CTNNA2: variants seen among roughly 807,000 people sequenced by gnomAD.
CTNNA2 encodes catenin alpha-2.
Under a neutral mutation model 101.0 loss-of-function variants are expected in CTNNA2, and 42 were observed. The observed-to-expected ratio is 0.42, with a 90% CI of 0.32 to 0.54. The LOEUF (loss-of-function observed/expected upper bound fraction) is 0.54. Among genes scored for constraint, CTNNA2 ranks in the 20% least tolerant of loss-of-function variants. The pLI is 0.14. For synonymous variants in CTNNA2, 450 were observed against 456.4 expected (o/e 0.99, Z 0.18); for missense variants, 871 against 1,223.1 (o/e 0.71, Z 4.29).
At chr2:79,767,759 A>G (rs1436672911) in intron 3 of CTNNA2, among the ~76,000 whole-genome samples, 4 of 151,830 alleles carry the variant, frequency 2.6e-5, no homozygotes, top group Non-Finnish European at 5.9e-5. Flanking sequence ...CGGGCACCTC[A>G]TGACTCTGAT....
intron 2 of CTNNA2, among the ~76,000 whole-genome samples, chr2:79,234,872 C>G (rs1013945135): frequency 2.0e-5 from 3 of 152,120 alleles, no homozygotes; most frequent in Non-Finnish European, 4.4e-5. Flanking sequence ...AATTTTTCAG[C>G]TCCAGAAGTT....
intron 7 of CTNNA2, among the ~76,000 whole-genome samples, chr2:80,258,935 AG>A (rs1490385349): frequency 6.6e-6 from 1 of 152,148 alleles, no homozygotes; most frequent in African/African-American, 2.4e-5. Flanking sequence ...ATTATGATTA[AG>A]TCTACTTCTA....
chr2:79,566,093 G>A (rs572399803), intron 1 of CTNNA2, among the ~76,000 whole-genome samples: 2 of 152,188 alleles, frequency 1.3e-5, no homozygotes, highest in Admixed American at 1.3e-4. Flanking sequence ...AGATAATACA[G>A]AAGAAGCAAG....
chr2:80,218,951 A>G (rs1365491105), intron 7 of CTNNA2, among the ~76,000 whole-genome samples: 1 of 152,208 alleles, frequency 6.6e-6, no homozygotes, highest in African/African-American at 2.4e-5. Flanking sequence ...TAAAACCTCA[A>G]TTTAATGTTA....
At chr2:80,171,664 T>A (rs954891077) in intron 7 of CTNNA2, among the ~76,000 whole-genome samples, 1 of 152,078 alleles carries the variant, frequency 6.6e-6, no homozygotes, top group Non-Finnish European at 1.5e-5. Flanking sequence ...CAGGTTGTTG[T>A]AATGAAAAAA....
chr2:79,998,524 T>TA (rs1488518800), intron 7 of CTNNA2, among the ~76,000 whole-genome samples: 6 of 152,286 alleles, frequency 3.9e-5, no homozygotes, highest in Admixed American at 3.9e-4. Flanking sequence ...GAAACACACA[T>TA]AAAGCCTTCA....
At position 80,076,270 on chromosome 2, in the gene CTNNA2, A is replaced by C. The variant is rs748357998; in HGVS notation, c.1056+166473A>C. 1.2e-4 allele frequency among the ~76,000 whole-genome samples: 17 copies of C among 143,814 alleles called. No individual in the cohort carries two copies. The Admixed American group carries it at 1.2e-3, about 10-fold the overall frequency. 94.3% of individuals were successfully genotyped at this position (143,814 alleles called of 152,430 possible). A position where few individuals can be genotyped will look rare whatever the true frequency, so the allele number is the denominator to read the frequency against. ...AACTTACCTACAGACTTTTTGCATCATTTTTTCCTTTTTTTTTTTTCTTTT... is the reference window on the plus strand; with the variant it reads ...AACTTACCTACAGACTTTTTGCATCCTTTTTTCCTTTTTTTTTTTTCTTTT... On this transcript the variant is annotated intron_variant, in intron 7 of 18. Transcript: ENST00000402739.
intron 12 of CTNNA2, among the ~76,000 whole-genome samples, chr2:80,572,219 CT>C (rs1694661683): frequency 6.6e-6 from 1 of 152,118 alleles, no homozygotes; most frequent in African/African-American, 2.4e-5. Flanking sequence ...GAAATTACAT[CT>C]CATTGTTTGC....
At position 79,606,177 on chromosome 2, in the gene CTNNA2, C is replaced by T. The variant is rs77097144; in HGVS notation, c.-5-45375C>T. Among the ~76,000 whole-genome samples the T allele has an allele frequency of 7.3e-3, 1,106 of 152,138 alleles. 61 individuals carry two copies. In the East Asian group the frequency reaches 0.12, roughly 16 times the overall value. Reference sequence around the variant, plus strand: ...AATGACATTAGATTGAAATATGCATCAACATATGTGAATGAAGGGCAAAGA... The same window carrying T: ...AATGACATTAGATTGAAATATGCATTAACATATGTGAATGAAGGGCAAAGA... On this transcript the variant is annotated intron_variant, in intron 1 of 18. Transcript: ENST00000402739.
At chr2:80,052,519 G>T (rs942463113) in intron 7 of CTNNA2, among the ~76,000 whole-genome samples, 4 of 152,194 alleles carry the variant, frequency 2.6e-5, no homozygotes, top group African/African-American at 9.6e-5. Flanking sequence ...GAGTTCATTT[G>T]CCAGTTGAAA....
At chr2:80,487,057 G>T (rs943913484) in intron 9 of CTNNA2, among the ~76,000 whole-genome samples, 58 of 152,078 alleles carry the variant, frequency 3.8e-4, no homozygotes, top group African/African-American at 1.1e-3. Flanking sequence ...AGGTCGAGGC[G>T]GGTGGATCAG....
chr2:79,560,872 A>C (rs1160201651), intron 1 of CTNNA2, among the ~76,000 whole-genome samples: 1 of 151,902 alleles, frequency 6.6e-6, no homozygotes, highest in Non-Finnish European at 1.5e-5. Flanking sequence ...TAGTATTAAT[A>C]ATTCCTGAGA....
intron 4 of CTNNA2, among the ~76,000 whole-genome samples, chr2:79,491,599 A>G (rs930678441): frequency 9.9e-5 from 15 of 152,130 alleles, no homozygotes; most frequent in African/African-American, 3.1e-4. Flanking sequence ...CAGAAGAGTA[A>G]CTCTGAACTG....
intron 7 of CTNNA2, among the ~76,000 whole-genome samples, chr2:79,954,557 A>G (rs544008506): frequency 2.0e-5 from 3 of 152,300 alleles, no homozygotes; most frequent in African/African-American, 7.2e-5. Context: ...GGCTGCACAA[A>G]TTACCTAAAC....
intron 4 of CTNNA2, among the ~76,000 whole-genome samples, chr2:79,402,522 A>C (rs1678300860): frequency 6.6e-6 from 1 of 151,830 alleles, no homozygotes; most frequent in African/African-American, 2.4e-5. Flanking sequence ...GATTATCAAT[A>C]ATGACTAATA....
intron 1 of CTNNA2, among the ~76,000 whole-genome samples, chr2:79,540,520 A>G (rs538125857): frequency 2.1e-4 from 32 of 152,198 alleles, no homozygotes; most frequent in African/African-American, 7.0e-4. Context: ...CCCCACCCAA[A>G]ATTATACTAA....
chr2:80,184,618 T>G lies in CTNNA2; in HGVS notation c.1057-208593T>G, dbSNP rs549275592. Among the ~76,000 whole-genome samples the G allele has an allele frequency of 1.7e-4, 26 of 152,302 alleles. No individual in the cohort carries two copies. The East Asian group carries it at 2.1e-3, about 12-fold the overall frequency. On this transcript the variant is annotated intron_variant, in intron 7 of 18. Transcript: ENST00000402739. ...GTCAAGGAGAGCCATTTTGACCACC[T>G]GCTTGAGTGGATAGGATTTAGTGTG... is the stretch of plus-strand genomic sequence containing the variant.
At chr2:79,418,287 A>C (rs979318944) in intron 4 of CTNNA2, among the ~76,000 whole-genome samples, 4 of 152,148 alleles carry the variant, frequency 2.6e-5, no homozygotes, top group African/African-American at 9.7e-5. Context: ...TTATGTCTAC[A>C]CCTTAACAGA....
chr2:79,495,559 C>T (rs1205067277), intron 4 of CTNNA2, among the ~76,000 whole-genome samples: 2 of 152,134 alleles, frequency 1.3e-5, no homozygotes, highest in Admixed American at 1.3e-4. Flanking sequence ...AACAGTTTGT[C>T]ATCTCCTTAA....
Sources: gnomAD v4.1 joint callset for allele counts (sites outside exome capture counted in the v4.1 genomes callset) on GRCh38, gnomAD v4.1.1 for gene constraint, MANE v1.5 for transcripts, NCBI Gene and HGNC (gene_info 2026-07-23, HGNC 2026-07-21) for gene names.